TMED8: variants seen among roughly 807,000 people sequenced by gnomAD.
TMED8 encodes the protein transmembrane p24 trafficking protein family member 8.
Under a neutral mutation model 32.7 loss-of-function variants are expected in TMED8, and 15 were observed. The observed-to-expected ratio is 0.46, with a 90% CI of 0.31 to 0.71. The LOEUF (loss-of-function observed/expected upper bound fraction) is 0.71, where lower values mean the gene tolerates loss of function less well. Among genes scored for constraint, TMED8 ranks in the 30% least tolerant of loss-of-function variants. The pLI is 0.06. For synonymous variants in TMED8, 147 were observed against 161.4 expected, an observed-to-expected ratio of 0.91 and a Z score of 0.68; for missense variants, 390 against 423.9, an observed-to-expected ratio of 0.92 and a Z score of 0.70.
In TMED8 at chr14:77,343,921, C is replaced by T. The variant is rs1892971319; in HGVS notation, c.328-98G>A. ...TGCCCCACCCCTGCTCTATTATCTC[C>T]ACTATCCCCACTCAAAGCTTAATGT... On this transcript the variant is annotated intron_variant, in intron 3 of 5. Coordinates refer to ENST00000216468, the MANE Select transcript of TMED8 (RefSeq NM_213601.3). The T allele has an allele frequency of 7.2e-6, 9 of 1,245,546 alleles. No homozygotes were observed. The East Asian group carries it at 1.9e-4, about 27-fold the overall frequency. The allele number at this position is 1,245,546 out of a possible 1,614,324, so 77.2% of individuals were successfully genotyped here.
At chr14:77,358,014 C>T (rs1241609032) in intron 1 of TMED8, among the ~76,000 whole-genome samples, 1 of 149,496 alleles carries the variant, frequency 6.7e-6, no homozygotes, top group Admixed American at 6.8e-5. Flanking sequence ...ATCCTAGGTA[C>T]TTGGGAAGCT....
At chr14:77,367,150 G>A (rs1218186910) in intron 1 of TMED8, among the ~76,000 whole-genome samples, 3 of 147,106 alleles carry the variant, frequency 2.0e-5, no homozygotes, top group South Asian at 2.1e-4. Context: ...GCTGGGGCAG[G>A]AGAATCGCTT....
intron 2 of TMED8, among the ~76,000 whole-genome samples, chr14:77,347,363 C>A (rs567912687): frequency 6.6e-6 from 1 of 152,326 alleles, no homozygotes; most frequent in South Asian, 2.1e-4. Flanking sequence ...ACCCTGTCCC[C>A]GTTCAGTGCT....
chr14:77,356,939 A>G (rs1273745816), intron 1 of TMED8, among the ~76,000 whole-genome samples: 2 of 152,228 alleles, frequency 1.3e-5, no homozygotes, highest in Admixed American at 1.3e-4. Flanking sequence ...TATTTTATGC[A>G]CTATATTTCC....
At chr14:77,361,502 T>C (rs1670807808) in intron 1 of TMED8, among the ~76,000 whole-genome samples, 1 of 152,198 alleles carries the variant, frequency 6.6e-6, no homozygotes, top group African/African-American at 2.4e-5. Flanking sequence ...AATCAGAAAG[T>C]GTGATGCCTC....
chr14:77,348,284 C>T lies in TMED8; in HGVS notation c.198-1806G>A, dbSNP rs537960371. On this transcript the variant is annotated intron_variant, in intron 2 of 5. Transcript: ENST00000216468. The stretch of plus-strand genomic sequence containing the variant: ...TGTCGCCCAGGCTGGAGTGCAGTGG[C>T]GCGATCTCAGCTCACTCAAGCTCCG... Among the ~76,000 whole-genome samples, 9 of 150,854 alleles carry T rather than the reference C, an allele frequency of 6.0e-5. No individual in the cohort carries two copies. In the East Asian group the frequency reaches 1.2e-3, roughly 20 times the overall value.
intron 3 of TMED8, among the ~76,000 whole-genome samples, chr14:77,345,417 T>G (rs1893002308): frequency 6.6e-6 from 1 of 152,180 alleles, no homozygotes; most frequent in Non-Finnish European, 1.5e-5. Context: ...TTATAACGCC[T>G]GGTGGTGTCT....
intron 3 of TMED8, among the ~76,000 whole-genome samples, chr14:77,345,597 C>T (rs1436788647): frequency 6.8e-6 from 1 of 146,232 alleles, no homozygotes; most frequent in Non-Finnish European, 1.5e-5. Flanking sequence ...GATTTTGAGG[C>T]TGCAGTGAGC....
Position 77,376,781 on chromosome 14 carries a change from G to T in TMED8, c.118+155C>A. 2.7e-6 allele frequency: 1 copy of T among 375,958 alleles called. No individual in the cohort carries two copies. Among genetic ancestry groups the T allele is most frequent in the African/African-American group, 2.1e-5 (1 of 47,548 alleles). The allele number at this position is 375,958 out of a possible 1,614,324, so 23.3% of individuals were successfully genotyped here. ...CCTCGAGCCCAGGGCCCGGGTGGTG[G>T]CAGCGGCGGGGAAGGGGCCCCGCGC... On this transcript the variant is annotated intron_variant, in intron 1 of 5. Transcript: ENST00000216468. This position sits in a 1 kb window ranked among gnomAD's most constrained non-coding sequence, Gnocchi z 4.0.
chr14:77,350,224 T>A (rs1893147546), intron 2 of TMED8, among the ~76,000 whole-genome samples: 1 of 152,202 alleles, frequency 6.6e-6, no homozygotes, highest in Non-Finnish European at 1.5e-5. Context: ...TCTTCCTCTC[T>A]TGGTGGGACG....
chr14:77,344,005 T>C (rs997863974), intron 3 of TMED8, among the ~76,000 whole-genome samples, 182 bp from the exon 4 acceptor site: 3 of 152,246 alleles, frequency 2.0e-5, no homozygotes, highest in Non-Finnish European at 4.4e-5. Flanking sequence ...TTCTACTAAT[T>C]TTTTAAAGCC....
At chr14:77,344,439 C>T (rs906658228) in intron 3 of TMED8, among the ~76,000 whole-genome samples, 3 of 152,174 alleles carry the variant, frequency 2.0e-5, no homozygotes, top group African/African-American at 7.2e-5. Flanking sequence ...TCACCTTAGA[C>T]CAGCCCCAGG....
rs1373400942 is a variant in TMED8 at position 77,346,381 on chromosome 14, G to A, written c.295C>T (p.Leu99=). The change falls in exon 3 of 6, where the codon CTG becomes TTG. Residue 99 remains leucine, a synonymous_variant. Transcript: ENST00000216468. ...EAQALVKQDL[L]PADQAQVLNE... ...AGGACCTGGGCCTGGTCTGCAGGCA[G>A]CAAATCCTGTTTCACCAAGGCCTGA... 1.2e-6 allele frequency: 2 copies of A among 1,614,018 alleles called. No individual in the cohort carries two copies. Among genetic ancestry groups the A allele is most frequent in the Non-Finnish European group, 1.7e-6 (2 of 1,180,034 alleles).
chr14:77,359,833 T>C (rs1355466598), intron 1 of TMED8: 1 of 183,590 alleles, frequency 5.4e-6, no homozygotes. Flanking sequence ...ATGGGCACTC[T>C]GACAGTGAGA....
At chr14:77,356,182 A>T (rs1168410370) in intron 1 of TMED8, among the ~76,000 whole-genome samples, 1 of 152,182 alleles carries the variant, frequency 6.6e-6, no homozygotes, top group Non-Finnish European at 1.5e-5. Flanking sequence ...AATAAACCAC[A>T]CATATGAAAG....
chr14:77,357,257 A>C (rs1893311212), intron 1 of TMED8, among the ~76,000 whole-genome samples: 1 of 152,192 alleles, frequency 6.6e-6, no homozygotes, highest in South Asian at 2.1e-4. Flanking sequence ...AGAGGCACAT[A>C]ATCTATGGTT....
rs1892878127 is a variant in TMED8, at chr14:77,340,801, T to C, written c.*970A>G. On this transcript the variant is annotated 3_prime_UTR_variant, in exon 6 of 6. Coordinates refer to ENST00000216468, the MANE Select transcript of TMED8 (RefSeq NM_213601.3). ...GGAAACCTGATTGGGTTTCACTGCA[T>C]TTGATTCCAAAGCAACATTTCTAAA... 1 of 152,166 alleles carries C rather than the reference T, an allele frequency of 6.6e-6. No individual in the cohort carries two copies. The highest frequency in any genetic ancestry group is 6.5e-5 in the Admixed American group (1 of 15,272). 9.4% of individuals were successfully genotyped at this position (152,166 alleles called of 1,614,324 possible).
At chr14:77,370,801 T>G (rs963291647) in intron 1 of TMED8, among the ~76,000 whole-genome samples, 8 of 151,998 alleles carry the variant, frequency 5.3e-5, no homozygotes, top group Non-Finnish European at 8.8e-5. Context: ...AAAATGGGCA[T>G]GCTTAGGCGT....
intron 3 of TMED8, among the ~76,000 whole-genome samples, chr14:77,345,968 CAAAAAA>C (rs370981070): frequency 1.3e-5 from 1 of 76,654 alleles, no homozygotes; most frequent in African/African-American, 5.0e-5. Flanking sequence ...GACCCTGTCT[CAAAAAA>C]AAAAAAAAAA....
Sources: allele counts gnomAD v4.1 joint callset (sites outside exome capture counted in the v4.1 genomes callset), GRCh38; gene constraint gnomAD v4.1.1; non-coding constraint Gnocchi (gnomAD v3.1); transcripts MANE v1.5; gene names NCBI Gene and HGNC (gene_info 2026-07-23, HGNC 2026-07-21).